The following IFNAR1 variants were observed in gnomAD, a reference collection of about 807,000 sequenced individuals.
The protein encoded by IFNAR1 is interferon alpha/beta receptor 1.
A neutral mutation model predicts 62.1 loss-of-function variants in IFNAR1; 47 were observed. The ratio of observed to expected loss-of-function variants is 0.76; its 90% CI spans 0.60 to 0.97. The LOEUF (loss-of-function observed/expected upper bound fraction) is 0.97, where lower values mean the gene tolerates loss of function less well. Among genes scored for constraint, IFNAR1 ranks in the 50% least tolerant of loss-of-function variants. The probability of loss-of-function intolerance (pLI) is 0.00; values close to 1 mark genes in which losing one functional copy is unlikely to be tolerated. For missense variants in IFNAR1, 638 were observed against 654.5 expected, an observed-to-expected ratio of 0.97 and a Z score of 0.27; for synonymous variants, 219 against 226.9, an observed-to-expected ratio of 0.97 and a Z score of 0.31.
rs574833453 is a variant in IFNAR1 at position 33,333,482 on chromosome 21, TAAGAG to T, written c.77-2040_77-2036del. Among the ~76,000 whole-genome samples, 22 of 151,966 alleles carry T rather than the reference TAAGAG, an allele frequency of 1.4e-4. 1 individual carries two copies. In the South Asian group the frequency reaches 4.6e-3, roughly 32 times the overall value. The stretch of plus-strand genomic sequence containing the variant: ...ACCATCAAACCACAATGATAAATAA[TAAGAG>T]AGGAAGAAAGGGGCAAAGGATATTA... On this transcript the variant is annotated intron_variant, in intron 1 of 10. Coordinates refer to ENST00000270139, the MANE Select transcript of IFNAR1 (RefSeq NM_000629.3).
intron 1 of IFNAR1, among the ~76,000 whole-genome samples, chr21:33,332,615 T>G (rs1177337183): frequency 6.6e-6 from 1 of 152,084 alleles, no homozygotes. Context: ...ATACAGATAG[T>G]TCAATGAATC....
chr21:33,342,507 C>T (rs1310072783), intron 3 of IFNAR1, among the ~76,000 whole-genome samples: 1 of 151,992 alleles, frequency 6.6e-6, no homozygotes, highest in Non-Finnish European at 1.5e-5. Flanking sequence ...CTTCCAATTC[C>T]CTGTCAGCCC....
chr21:33,342,212 C>A (rs1008328778), intron 3 of IFNAR1, among the ~76,000 whole-genome samples: 3 of 151,794 alleles, frequency 2.0e-5, no homozygotes, highest in African/African-American at 7.3e-5. Context: ...AGTTCAAGAC[C>A]AACCTAGGCA....
intron 2 of IFNAR1, among the ~76,000 whole-genome samples, chr21:33,338,894 C>A (rs2083269013): frequency 6.6e-6 from 1 of 151,806 alleles, no homozygotes; most frequent in Middle Eastern, 3.4e-3. Flanking sequence ...AGGCATGCAC[C>A]CCCACGCCCG....
intron 8 of IFNAR1, among the ~76,000 whole-genome samples, chr21:33,350,768 C>G (rs1464212394): frequency 6.6e-6 from 1 of 152,096 alleles, no homozygotes; most frequent in East Asian, 1.9e-4. Context: ...GTCTGACAAC[C>G]CTGTAACCAT....
chr21:33,324,793 G>C, upstream of IFNAR1: 1 of 520,624 alleles, frequency 1.9e-6, no homozygotes, highest in Admixed American at 3.3e-5. Flanking sequence ...GCGCGCACAG[G>C]GGTGCTGCAA....
chr21:33,339,988 T>A (rs1190769146), intron 2 of IFNAR1, among the ~76,000 whole-genome samples: 1 of 150,892 alleles, frequency 6.6e-6, no homozygotes, highest in Non-Finnish European at 1.5e-5. Context: ...TCACTTTCCC[T>A]GCAAGCTCTT....
intron 8 of IFNAR1, among the ~76,000 whole-genome samples, 199 bp downstream of exon 8, chr21:33,349,742 T>C (rs759258732): frequency 6.6e-6 from 1 of 151,876 alleles, no homozygotes; most frequent in Non-Finnish European, 1.5e-5. Context: ...CTGGGCAACA[T>C]AGGGAGACCC....
At chr21:33,337,645 A>G (rs2083250930) in intron 2 of IFNAR1, among the ~76,000 whole-genome samples, 1 of 69,988 alleles carries the variant, frequency 1.4e-5, no homozygotes, top group South Asian at 4.9e-4. Flanking sequence ...CACTATATAT[A>G]TACATACTGT....
Position 33,358,876 on chromosome 21 carries a change from T to G in IFNAR1, c.*3327T>G, listed in dbSNP as rs2083474588. ...ATATATAAAACTTAGAGTTTTTATC[T>G]TCCCCTAAAAGAGGCCGTGATATTT... On this transcript the variant is annotated 3_prime_UTR_variant, in exon 11 of 11. Transcript: ENST00000270139. 2.0e-5 allele frequency: 3 copies of G among 152,010 alleles called. No homozygotes were observed. Among genetic ancestry groups the G allele is most frequent in the African/African-American group, 7.3e-5 (3 of 41,378 alleles). 9.4% of individuals were successfully genotyped at this position (152,010 alleles called of 1,614,324 possible). A position where few individuals can be genotyped will look rare whatever the true frequency, so the allele number is the denominator to read the frequency against.
Position 33,343,272 on chromosome 21 carries a change from G to T in IFNAR1, c.381G>T (p.Gln127His), listed in dbSNP as rs111291706. ...VDSFTPFRKA[Q>H]IGPPEVHLEA... is the part of the protein sequence containing the mutation. ...ATTGTTTTGATTTTTTTGCAGCTCA[G>T]ATTGGTCCTCCAGAAGTACATTTAG... Residue 127 changes from glutamine (Q) to histidine (H), a missense_variant, in exon 4 of 11, where the codon CAG (glutamine) becomes CAT (histidine). By Grantham distance (24) the Gln-to-His change is conservative. Coordinates refer to ENST00000270139, the MANE Select transcript of IFNAR1 (RefSeq NM_000629.3). The T allele has an allele frequency of 6.2e-7, 1 of 1,610,430 alleles. No homozygotes were observed. The highest frequency in any genetic ancestry group is 8.5e-7 in the Non-Finnish European group (1 of 1,178,758).
At position 33,355,403 on chromosome 21, in the gene IFNAR1, A is replaced by T; in HGVS notation, c.1528A>T (p.Thr510Ser). Reference protein sequence around the residue: ...EKCFIIENISTIATVEETNQT... With the variant: ...EKCFIIENISSIATVEETNQT... The stretch of plus-strand genomic sequence containing the variant: ...ATGTTTCATAATTGAAAATATAAGC[A>T]CAATTGCTACAGTAGAAGAAACTAA... The change falls in exon 11 of 11, where the codon ACA becomes TCA. Residue 510 changes from threonine to serine, a missense_variant. Physicochemically the swap from Thr to Ser is moderately conservative, Grantham distance 58. Transcript: ENST00000270139. The T allele has an allele frequency of 6.2e-7, 1 of 1,600,902 alleles. No individual in the cohort carries two copies. Among genetic ancestry groups the T allele is most frequent in the Non-Finnish European group, 8.5e-7 (1 of 1,171,256 alleles).
At position 33,345,418 on chromosome 21, in the gene IFNAR1, C is replaced by T. The variant is rs373281500; in HGVS notation, c.788+58C>T. The T allele has an allele frequency of 3.8e-5, 35 of 912,566 alleles. No individual in the cohort carries two copies. In the African/African-American group the frequency reaches 4.8e-4, roughly 12 times the overall value. 56.5% of individuals were successfully genotyped at this position (912,566 alleles called of 1,614,324 possible). A position where few individuals can be genotyped will look rare whatever the true frequency, so the allele number is the denominator to read the frequency against. On this transcript the variant is annotated intron_variant, in intron 6 of 10. Transcript: ENST00000270139. ...AGTTTGTTTTGATTATGCTTCTTTT[C>T]GCTCTGCATCAGTCACCAGGTCCTT...
intron 8 of IFNAR1, 152 bp from the exon 9 acceptor site, chr21:33,352,606 A>AAAAAC (rs367655910): frequency 1.1e-4 from 54 of 489,954 alleles, no homozygotes; most frequent in East Asian, 7.3e-4. Context: ...GTCTCACAAA[A>AAAAAC]AAAACAAAAC....
intron 2 of IFNAR1, 74 bp from the exon 3 acceptor site, chr21:33,340,925 C>T: frequency 1.1e-6 from 1 of 904,682 alleles, no homozygotes; most frequent in Non-Finnish European, 1.8e-6. Flanking sequence ...ACTCTTATAC[C>T]AGTAAATAGA....
chr21:33,334,612 CAG>C (rs2083215374), intron 1 of IFNAR1: 1 of 628,754 alleles, frequency 1.6e-6, no homozygotes, highest in Admixed American at 2.1e-5. Context: ...GGGCACTAGA[CAG>C]AGGGGACAGT....
chr21:33,330,515 A>G (rs922183187), intron 1 of IFNAR1, among the ~76,000 whole-genome samples: 14 of 152,206 alleles, frequency 9.2e-5, no homozygotes, highest in African/African-American at 3.4e-4. Context: ...AGGATTAACA[A>G]CAATTACACA....
At chr21:33,324,619 A>C (rs2083105241), upstream of IFNAR1, 1 of 162,546 alleles carries the variant, frequency 6.2e-6, no homozygotes, top group South Asian at 1.6e-4. Flanking sequence ...GGGAACTCCA[A>C]AGTCGCTGGG....
chr21:33,326,870 T>G (rs1459936136), intron 1 of IFNAR1, among the ~76,000 whole-genome samples: 1 of 152,164 alleles, frequency 6.6e-6, no homozygotes, highest in Non-Finnish European at 1.5e-5. Context: ...TTCTTCATAC[T>G]TACTTGGGAT....
Sources: gnomAD v4.1 joint callset for allele counts (sites outside exome capture counted in the v4.1 genomes callset) on GRCh38, gnomAD v4.1.1 for gene constraint, MANE v1.5 for transcripts, NCBI Gene and HGNC (gene_info 2026-07-23, HGNC 2026-07-21) for gene names.